PCBP3: variants seen among roughly 807,000 people sequenced by gnomAD.
PCBP3 encodes the protein poly(rC) binding protein 3, also known as poly(rC)-binding protein 3.
In PCBP3, 25 loss-of-function variants were observed where a neutral mutation model predicts 52.7. The ratio of observed to expected loss-of-function variants is 0.47; its 90% CI spans 0.35 to 0.66. The LOEUF (loss-of-function observed/expected upper bound fraction) is 0.66, where lower values mean the gene tolerates loss of function less well. PCBP3 is among the 30% of genes least tolerant of loss of function. The pLI is 0.01. For synonymous variants in PCBP3, 162 were observed against 183.0 expected (o/e 0.89, Z 0.93); for missense variants, 391 against 490.3 (o/e 0.80, Z 1.91).
At chr21:45,687,089 G>A (rs2082198383) in intron 2 of PCBP3, among the ~76,000 whole-genome samples, 1 of 152,136 alleles carries the variant, frequency 6.6e-6, no homozygotes, top group African/African-American at 2.4e-5. Context: ...CCAAAGTGTA[G>A]GAGGAGAACC....
chr21:45,814,624 ATGAGTGG>A (rs1246699301), intron 4 of PCBP3, among the ~76,000 whole-genome samples: 6 of 103,324 alleles, frequency 5.8e-5, no homozygotes, highest in Admixed American at 9.4e-5. Context: ...GTGGTGAGTG[ATGAGTGG>A]TGAGTGGTGA....
chr21:45,819,813 G>T (rs1488262872), intron 4 of PCBP3, among the ~76,000 whole-genome samples: 2 of 152,232 alleles, frequency 1.3e-5, no homozygotes, highest in African/African-American at 4.8e-5. Context: ...GGGTGTGCGG[G>T]CACAGGGCCT....
intron 10 of PCBP3, among the ~76,000 whole-genome samples, chr21:45,910,658 C>T (rs970278270): frequency 6.6e-6 from 1 of 152,128 alleles, no homozygotes. Context: ...TAGATGCCTC[C>T]TTGTCTAGCC....
chr21:45,654,927 T>C (rs1001197912), intron 1 of PCBP3, among the ~76,000 whole-genome samples: 3 of 152,216 alleles, frequency 2.0e-5, no homozygotes, highest in Non-Finnish European at 2.9e-5. Context: ...TCTCTAAGAA[T>C]TTGCCCATTA....
intron 12 of PCBP3, chr21:45,915,736 TG>T (rs1246511129): frequency 6.6e-6 from 1 of 152,462 alleles, no homozygotes; most frequent in Non-Finnish European, 1.5e-5. Flanking sequence ...GGGGACAGTC[TG>T]GTCTGGCCAG....
chr21:45,918,287 TG>T (rs2073838761), intron 13 of PCBP3: 1 of 108,236 alleles, frequency 9.2e-6, no homozygotes, highest in African/African-American at 2.8e-5. Flanking sequence ...TGGGTCTAGG[TG>T]TAATTCCAGT....
chr21:45,733,246 ATCT>A (rs572738551), intron 2 of PCBP3, among the ~76,000 whole-genome samples: 158 of 152,276 alleles, frequency 1.0e-3, no homozygotes, highest in African/African-American at 3.4e-3. Context: ...TTCCTGTATC[ATCT>A]TCTACATATA....
chr21:45,899,919 A>C (rs1446081511), intron 7 of PCBP3, among the ~76,000 whole-genome samples: 1 of 152,046 alleles, frequency 6.6e-6, no homozygotes, highest in African/African-American at 2.4e-5. Flanking sequence ...GACCCCACGA[A>C]GAATGATTTC....
chr21:45,907,489 G>A (rs746534634), intron 9 of PCBP3, among the ~76,000 whole-genome samples: 6 of 152,176 alleles, frequency 3.9e-5, no homozygotes, highest in African/African-American at 7.2e-5. Flanking sequence ...TTCATCTTAC[G>A]TCTGTCTTTG....
chr21:45,820,763 A>G (rs535581911), intron 4 of PCBP3, among the ~76,000 whole-genome samples: 2 of 152,238 alleles, frequency 1.3e-5, no homozygotes, highest in Admixed American at 6.5e-5. Context: ...GGCAGGGCTG[A>G]CGTATCTGAG....
intron 1 of PCBP3, among the ~76,000 whole-genome samples, chr21:45,651,867 C>G (rs1027073681): frequency 6.6e-6 from 1 of 152,184 alleles, no homozygotes; most frequent in Non-Finnish European, 1.5e-5. Context: ...CTGTAACTCA[C>G]CAGGTTGGGA....
At chr21:45,717,953 C>G (rs1317876397) in intron 2 of PCBP3, among the ~76,000 whole-genome samples, 1 of 152,212 alleles carries the variant, frequency 6.6e-6, no homozygotes, top group Non-Finnish European at 1.5e-5. Flanking sequence ...GTAATGCCAT[C>G]TGATCCTGGA....
chr21:45,648,787 C>T (rs1184070702), intron 1 of PCBP3, among the ~76,000 whole-genome samples: 5 of 152,184 alleles, frequency 3.3e-5, no homozygotes, highest in Non-Finnish European at 7.4e-5. Flanking sequence ...ACTTGAGCTT[C>T]TTCTAAAAAT....
chr21:45,723,848 T>C lies in PCBP3; in HGVS notation c.-199-11544T>C, dbSNP rs1023663279. ...AGGTGGAGGAGTAAAGAAGTTCACC[T>C]GCTGACTGCTTCCTTCTTTTTCCGC... On this transcript the variant is annotated intron_variant, in intron 2 of 17. Transcript: ENST00000681687. Among the ~76,000 whole-genome samples, 11 of 152,342 alleles carry C rather than the reference T, an allele frequency of 7.2e-5. No individual in the cohort carries two copies. In the East Asian group the frequency reaches 2.1e-3, roughly 29 times the overall value.
chr21:45,681,690 G>T (rs1174855395), intron 2 of PCBP3, among the ~76,000 whole-genome samples: 2 of 152,172 alleles, frequency 1.3e-5, no homozygotes, highest in Non-Finnish European at 1.5e-5. Flanking sequence ...TATTCATGAG[G>T]GATGTAGGTC....
chr21:45,742,184 C>G (rs74751037), intron 3 of PCBP3, among the ~76,000 whole-genome samples: 1,762 of 152,288 alleles, frequency 0.012, 51 homozygotes, highest in African/African-American at 0.04. Context: ...GCAGCTTCCT[C>G]TCTTTTGTAG....
intron 5 of PCBP3, among the ~76,000 whole-genome samples, chr21:45,860,597 G>GA (rs1309259686): frequency 6.6e-6 from 1 of 152,242 alleles, no homozygotes; most frequent in Non-Finnish European, 1.5e-5. Context: ...CCCCAAGGTA[G>GA]AAAACCCATC....
chr21:45,841,569 G>C (rs960581670), intron 4 of PCBP3, among the ~76,000 whole-genome samples: 23 of 152,056 alleles, frequency 1.5e-4, no homozygotes, highest in African/African-American at 5.6e-4. Context: ...CACATATTAC[G>C]CTATGAGTTT....
At chr21:45,683,001 G>A (rs1433288383) in intron 2 of PCBP3, among the ~76,000 whole-genome samples, 1 of 152,068 alleles carries the variant, frequency 6.6e-6, no homozygotes, top group Non-Finnish European at 1.5e-5. Context: ...GTGAGGCCTG[G>A]GATAGGGGAA....
Sources: allele counts gnomAD v4.1 joint callset (sites outside exome capture counted in the v4.1 genomes callset), GRCh38; gene constraint gnomAD v4.1.1; transcripts MANE v1.5; gene names NCBI Gene and HGNC (gene_info 2026-07-23, HGNC 2026-07-21).